Variants in ARMC3 observed in about 807,000 individuals in gnomAD.
The protein encoded by ARMC3 is armadillo repeat containing 3, also known as armadillo repeat-containing protein 3.
ARMC3 carries 74 observed loss-of-function variants against 90.3 expected under a neutral mutation model. The observed-to-expected ratio is 0.82, with a 90% confidence interval of 0.68 to 0.99. The LOEUF (loss-of-function observed/expected upper bound fraction) is 0.99, where lower values mean the gene tolerates loss of function less well. Among genes scored for constraint, ARMC3 ranks in the 50% least tolerant of loss-of-function variants. The pLI is 0.00. For synonymous variants in ARMC3, 334 were observed against 361.8 expected, an observed-to-expected ratio of 0.92 and a Z score of 0.87; for missense variants, 958 against 1,042.8, an observed-to-expected ratio of 0.92 and a Z score of 1.12.
intron 2 of ARMC3, among the ~76,000 whole-genome samples, chr10:22,943,128 C>T (rs1834384570): frequency 6.6e-6 from 1 of 152,268 alleles, no homozygotes; most frequent in Admixed American, 6.5e-5. Flanking sequence ...TTGGAGAGCT[C>T]TGAATTAATA....
chr10:22,991,163 A>G (rs891781665), intron 10 of ARMC3, among the ~76,000 whole-genome samples: 1 of 152,232 alleles, frequency 6.6e-6, no homozygotes, highest in African/African-American at 2.4e-5. Flanking sequence ...TCAGAAAACC[A>G]TGTGTTTGTT....
intron 7 of ARMC3, among the ~76,000 whole-genome samples, chr10:22,965,716 A>T (rs747080075): frequency 1.3e-5 from 2 of 151,972 alleles, no homozygotes; most frequent in African/African-American, 4.8e-5. Flanking sequence ...TTTTTCTTCA[A>T]TTTTTTAGAT....
In ARMC3 at chr10:22,928,077, A is replaced by G. The variant is rs1833779629; in HGVS notation, c.-31A>G. 6.6e-6 allele frequency: 1 copy of G among 152,442 alleles called. No homozygotes were observed. The highest frequency in any genetic ancestry group is 2.4e-5 in the African/African-American group (1 of 41,482). The allele number at this position is 152,442 out of a possible 1,614,324, so 9.4% of individuals were successfully genotyped here. A position where few individuals can be genotyped will look rare whatever the true frequency, so the allele number is the denominator to read the frequency against. ...GGTTCGTCTGCTGGGTTTGCGGAGC[A>G]GCTAGCTACTCGGCGGGATCTCCCG... On this transcript the variant is annotated 5_prime_UTR_variant, in exon 1 of 19. Coordinates refer to ENST00000298032, the MANE Select transcript of ARMC3 (RefSeq NM_173081.5).
intron 16 of ARMC3, among the ~76,000 whole-genome samples, chr10:23,025,722 A>G (rs181479598): frequency 7.2e-5 from 11 of 152,226 alleles, no homozygotes; most frequent in Non-Finnish European, 1.5e-4. Flanking sequence ...CAACACAAAC[A>G]GAAAGAAGGA....
At chr10:22,947,289 GA>G (rs1201173745) in intron 3 of ARMC3, among the ~76,000 whole-genome samples, 2 of 150,700 alleles carry the variant, frequency 1.3e-5, no homozygotes, top group Non-Finnish European at 2.9e-5. Context: ...CTGGGCAGCA[GA>G]GAGAGACCCT....
At chr10:22,979,510 A>G (rs1214362360) in intron 8 of ARMC3, among the ~76,000 whole-genome samples, 2 of 152,230 alleles carry the variant, frequency 1.3e-5, no homozygotes, top group Admixed American at 1.3e-4. Context: ...TCTGAATGCA[A>G]CATCTACATA....
chr10:22,996,766 G>A (rs77027605), intron 10 of ARMC3, among the ~76,000 whole-genome samples: 1 of 152,230 alleles, frequency 6.6e-6, no homozygotes, highest in Non-Finnish European at 1.5e-5. Flanking sequence ...TCTCTTTATG[G>A]AGATTTCATT....
At chr10:22,946,335 C>T in intron 3 of ARMC3, 74 bp downstream of exon 3, 1 of 968,764 alleles carries the variant, frequency 1.0e-6, no homozygotes, top group Non-Finnish European at 1.6e-6. Flanking sequence ...GGGCACTTTT[C>T]TTCCTAGTCT....
At chr10:22,975,239 C>G (rs967899032) in intron 8 of ARMC3, among the ~76,000 whole-genome samples, 16 of 152,138 alleles carry the variant, frequency 1.1e-4, no homozygotes, top group African/African-American at 3.9e-4. Flanking sequence ...ATTGTTGCAT[C>G]ATAACATTTC....
At chr10:22,954,361 G>A (rs1360478235) in intron 3 of ARMC3, among the ~76,000 whole-genome samples, 1 of 151,890 alleles carries the variant, frequency 6.6e-6, no homozygotes, top group East Asian at 1.9e-4. Context: ...GCAATGTTAT[G>A]TTTATAGAAA....
At chr10:23,010,906 T>A (rs1837969074) in intron 16 of ARMC3, among the ~76,000 whole-genome samples, 5 of 10,484 alleles carry the variant, frequency 4.8e-4, no homozygotes, top group East Asian at 1.2e-3. Flanking sequence ...TTCCCTTCCT[T>A]CCCCTCTTCT....
At chr10:22,972,517 T>C (rs1295752477) in intron 8 of ARMC3, among the ~76,000 whole-genome samples, 2 of 152,240 alleles carry the variant, frequency 1.3e-5, no homozygotes, top group East Asian at 3.8e-4. Context: ...TACTTCCTTT[T>C]GTTAGTTCTA....
intron 16 of ARMC3, among the ~76,000 whole-genome samples, chr10:23,023,689 A>G (rs1338070718): frequency 6.6e-6 from 1 of 152,192 alleles, no homozygotes; most frequent in Non-Finnish European, 1.5e-5. Context: ...ACTGAAAAGT[A>G]TAATAACAGA....
chr10:23,003,234 T>C lies in ARMC3; in HGVS notation c.1563-12T>C. On this transcript the variant is annotated splice_polypyrimidine_tract_variant and intron_variant, in intron 12 of 18. Transcript: ENST00000298032. ...GTATAAAGCAAATAATGCTTTTTGC[T>C]TTTATTGACAGGGCTTTAGATATCC... is the stretch of plus-strand genomic sequence containing the variant. The C allele has an allele frequency of 6.2e-7, 1 of 1,607,012 alleles. No individual in the cohort carries two copies. Among genetic ancestry groups the C allele is most frequent in the Non-Finnish European group, 8.5e-7 (1 of 1,177,174 alleles).
At chr10:22,975,274 G>A (rs1275205920) in intron 8 of ARMC3, among the ~76,000 whole-genome samples, 1 of 152,304 alleles carries the variant, frequency 6.6e-6, no homozygotes. Context: ...TGGAAGTGAT[G>A]ACAGGCACGG....
Position 22,955,771 on chromosome 10 carries a change from T to C in ARMC3, c.167-36T>C. 1.9e-6 allele frequency: 3 copies of C among 1,610,772 alleles called. 1 individual carries two copies. Among genetic ancestry groups the C allele is most frequent in the South Asian group, 2.2e-5 (2 of 90,676 alleles). On this transcript the variant is annotated intron_variant, in intron 3 of 18. Coordinates refer to ENST00000298032, the MANE Select transcript of ARMC3 (RefSeq NM_173081.5). ...GGCAGAATGCTGATGAGATCGATAATATCCATGTGTGGTTTTGTTTTACGT... is the reference window on the plus strand; with the variant it reads ...GGCAGAATGCTGATGAGATCGATAACATCCATGTGTGGTTTTGTTTTACGT...
intron 7 of ARMC3, among the ~76,000 whole-genome samples, chr10:22,965,235 A>G (rs1835394860): frequency 6.6e-6 from 1 of 152,210 alleles, no homozygotes; most frequent in Non-Finnish European, 1.5e-5. Context: ...CATTTCTTAC[A>G]GTGTAAATAT....
chr10:23,008,522 G>C (rs113443809), intron 15 of ARMC3, 148 bp downstream of exon 15: 12,382 of 639,060 alleles, frequency 0.019, 177 homozygotes, highest in South Asian at 0.038. Flanking sequence ...ATTGCTATGG[G>C]AAAGATCTCT....
At chr10:23,030,381 A>T (rs75729331) in intron 16 of ARMC3, among the ~76,000 whole-genome samples, 3,469 of 152,096 alleles carry the variant, frequency 0.023, 115 homozygotes, top group African/African-American at 0.079. Flanking sequence ...TTTCAGTCAC[A>T]TTTGGTTGTG....
Sources: allele counts gnomAD v4.1 joint callset (sites outside exome capture counted in the v4.1 genomes callset), GRCh38; gene constraint gnomAD v4.1.1; transcripts MANE v1.5; gene names NCBI Gene and HGNC (gene_info 2026-07-23, HGNC 2026-07-21).